Variants in RTKN2 observed in about 807,000 individuals in gnomAD.
The protein encoded by RTKN2 is rhotekin 2, also known as rhotekin-2.
In RTKN2, 69 loss-of-function variants were observed where a neutral mutation model predicts 71.5. The ratio of observed to expected loss-of-function variants is 0.96; its 90% confidence interval spans 0.79 to 1.18. The LOEUF (loss-of-function observed/expected upper bound fraction) is 1.18. Ranked by LOEUF, RTKN2 falls within the 50% of genes most tolerant of loss-of-function variation. The pLI is 0.00. For missense variants in RTKN2, 724 were observed against 719.7 expected (o/e 1.01, Z -0.07); for synonymous variants, 236 against 236.5 (o/e 1.00, Z 0.02).
chr10:62,210,441 A>G (rs1429156039), intron 9 of RTKN2, among the ~76,000 whole-genome samples: 1 of 152,168 alleles, frequency 6.6e-6, no homozygotes, highest in Non-Finnish European at 1.5e-5. Flanking sequence ...TCCAAAGAAA[A>G]TAATTAAAAA....
intron 8 of RTKN2, chr10:62,184,469 A>G: frequency 2.9e-6 from 2 of 687,462 alleles, no homozygotes; most frequent in Non-Finnish European, 4.8e-6. Context: ...AGAATCACAA[A>G]AGGCAGTCAG....
At chr10:62,190,769 A>T (rs1841209881), downstream of RTKN2, among the ~76,000 whole-genome samples, 1 of 152,118 alleles carries the variant, frequency 6.6e-6, no homozygotes, top group Non-Finnish European at 1.5e-5. Flanking sequence ...TCTAGTTCTG[A>T]TGCCAACTAT....
intron 6 of RTKN2, among the ~76,000 whole-genome samples, chr10:62,224,647 T>C (rs940698887): frequency 2.0e-5 from 3 of 152,072 alleles, no homozygotes; most frequent in Non-Finnish European, 2.9e-5. Context: ...GGAATGCAAC[T>C]TTTTCTATGA....
chr10:62,217,839 T>C (rs1434489550), intron 8 of RTKN2, among the ~76,000 whole-genome samples: 4 of 152,140 alleles, frequency 2.6e-5, no homozygotes, highest in Non-Finnish European at 5.9e-5. Flanking sequence ...CTCAGAGTCC[T>C]AAACCGTGCC....
chr10:62,194,914 A>AGTCAGG lies in RTKN2; in HGVS notation c.*2988_*2993dup, dbSNP rs1318229862. ...CATATATTCACATCCATTTAAAAGAAGTCAGGGGGCACTGCAGACAGTTAA... is the reference window on the plus strand; with the variant it reads ...CATATATTCACATCCATTTAAAAGAAGTCAGGGTCAGGGGGCACTGCAGACAGTTAA... On this transcript the variant is annotated 3_prime_UTR_variant, in exon 12 of 12. Transcript: ENST00000373789. The AGTCAGG allele has an allele frequency of 3.1e-5, 31 of 985,256 alleles. No homozygotes were observed. The highest frequency in any genetic ancestry group is 3.7e-5 in the Non-Finnish European group (31 of 829,882). The allele number at this position is 985,256 out of a possible 1,614,324, so 61.0% of individuals were successfully genotyped here.
rs757695144 is a variant in RTKN2, at chr10:62,218,266, T to C, written c.817A>G (p.Met273Val). ...GGCTGGGCAACTAGTCGGCAGCACATGTTGCCATACAGGGGAAGCCAAAAT... is the reference window on the plus strand; with the variant it reads ...GGCTGGGCAACTAGTCGGCAGCACACGTTGCCATACAGGGGAAGCCAAAAT... ...SSFWLPLYGNMCCRLVAQPAC... is the reference protein window; with the variant it reads ...SSFWLPLYGNVCCRLVAQPAC... The change falls in exon 8 of 12, where the codon ATG (methionine) becomes GTG (valine). Residue 273 changes from methionine to valine, a missense_variant. By Grantham distance (21) the Met-to-Val change is conservative. Coordinates refer to ENST00000373789, the MANE Select transcript of RTKN2 (RefSeq NM_145307.4). The C allele has an allele frequency of 1.9e-5, 31 of 1,613,260 alleles. No individual in the cohort carries two copies. The highest frequency in any genetic ancestry group is 1.6e-4 in the Middle Eastern group (1 of 6,068).
chr10:62,207,165 T>C (rs989561443), intron 9 of RTKN2, among the ~76,000 whole-genome samples: 1 of 152,100 alleles, frequency 6.6e-6, no homozygotes, highest in Non-Finnish European at 1.5e-5. Context: ...TTTTTATAGA[T>C]GAATTTGGAT....
chr10:62,236,330 T>C, intron 5 of RTKN2, 67 bp from the exon 6 acceptor site: 1 of 1,008,600 alleles, frequency 9.9e-7, no homozygotes. Context: ...TACCATTCTT[T>C]TATGTTTATG....
At chr10:62,241,247 T>A in intron 3 of RTKN2, 52 bp from the exon 4 acceptor site, 4 of 1,080,484 alleles carry the variant, frequency 3.7e-6, no homozygotes, top group Non-Finnish European at 5.6e-6. Context: ...TAAGTTTTAT[T>A]CTTTACAGTG....
At chr10:62,237,926 C>A (rs1008954624) in intron 5 of RTKN2, among the ~76,000 whole-genome samples, 2 of 151,590 alleles carry the variant, frequency 1.3e-5, no homozygotes, top group South Asian at 4.1e-4. Context: ...TTGGCTTTAC[C>A]CTTTTTCAGA....
Position 62,198,374 on chromosome 10 carries a change from C to T in RTKN2, c.1364G>A (p.Gly455Glu), listed in dbSNP as rs1423647640. The T allele has an allele frequency of 6.2e-7, 1 of 1,600,168 alleles. No homozygotes were observed. Among genetic ancestry groups the T allele is most frequent in the African/African-American group, 1.4e-5 (1 of 73,988 alleles). The part of the protein sequence containing the change: ...IIQKKIEETN[G>E]QFLIGQHEES... Reference sequence around the variant, plus strand: ...TTCATGCTGACCAATAAGGAACTGCCCATTTGTCTCTTCAATTTTTTTTTG... The same window carrying T: ...TTCATGCTGACCAATAAGGAACTGCTCATTTGTCTCTTCAATTTTTTTTTG... The change falls in exon 12 of 12, where the codon GGG becomes GAG. Residue 455 changes from glycine (G) to glutamate (E), a missense_variant. Physicochemically the swap from Gly to Glu is moderately conservative, Grantham distance 98 (BLOSUM62 -2). Transcript: ENST00000373789.
At chr10:62,267,775 G>C (rs1842892892) in intron 1 of RTKN2, among the ~76,000 whole-genome samples, 1 of 152,176 alleles carries the variant, frequency 6.6e-6, no homozygotes, top group Admixed American at 6.5e-5. Context: ...GTAGGTAAAA[G>C]AAGGTAGAGA....
chr10:62,199,413 A>C (rs1841394357), intron 11 of RTKN2, among the ~76,000 whole-genome samples: 1 of 152,222 alleles, frequency 6.6e-6, no homozygotes, highest in Non-Finnish European at 1.5e-5. Context: ...CAGAAAAAAA[A>C]TTACTGAACA....
chr10:62,196,553 A>G lies in RTKN2; in HGVS notation c.*1355T>C. On this transcript the variant is annotated 3_prime_UTR_variant, in exon 12 of 12. Coordinates refer to ENST00000373789, the MANE Select transcript of RTKN2 (RefSeq NM_145307.4). ...TTAAATTAATGTGGTTTTTTGGTCA[A>G]GTGTTCATTTTGTTTTGTAATAATG... is the stretch of plus-strand genomic sequence containing the variant. 1.0e-6 allele frequency: 1 copy of G among 985,376 alleles called. No homozygotes were observed. 61.0% of individuals were successfully genotyped at this position (985,376 alleles called of 1,614,324 possible). A position where few individuals can be genotyped will look rare whatever the true frequency, so the allele number is the denominator to read the frequency against.
At chr10:62,211,544 G>C (rs191272060) in intron 9 of RTKN2, among the ~76,000 whole-genome samples, 1 of 152,132 alleles carries the variant, frequency 6.6e-6, no homozygotes, top group African/African-American at 2.4e-5. Context: ...TTATTTTCAT[G>C]AGAAAAGAAG....
chr10:62,213,554 G>A (rs2132868201), intron 9 of RTKN2, among the ~76,000 whole-genome samples: 1 of 152,212 alleles, frequency 6.6e-6, no homozygotes, highest in South Asian at 2.1e-4. Flanking sequence ...TGAATATTAG[G>A]TGACATAAGA....
intron 9 of RTKN2, 81 bp downstream of exon 9, chr10:62,217,037 G>T: frequency 3.0e-6 from 3 of 1,014,930 alleles, no homozygotes; most frequent in Non-Finnish European, 2.7e-6. Flanking sequence ...TTATTTATAA[G>T]ACAACAACAA....
rs1841356469 is a variant in RTKN2, at chr10:62,197,679, T to C, written c.*229A>G. 5.2e-6 allele frequency: 7 copies of C among 1,337,674 alleles called. No homozygotes were observed. The highest frequency in any genetic ancestry group is 3.0e-5 in the African/African-American group (2 of 66,902). The allele number at this position is 1,337,674 out of a possible 1,614,324, so 82.9% of individuals were successfully genotyped here. On this transcript the variant is annotated 3_prime_UTR_variant, in exon 12 of 12. Transcript: ENST00000373789. ...CCCTTCCAACAATTAGGATATTGTC[T>C]AGAAACTGCCTCTTGCACACTGCTG...
At chr10:62,266,800 C>A (rs939458531) in intron 1 of RTKN2, among the ~76,000 whole-genome samples, 1 of 152,168 alleles carries the variant, frequency 6.6e-6, no homozygotes, top group Admixed American at 6.5e-5. Context: ...CAACAGCTGT[C>A]TGGGATAGGC....
Sources: allele counts gnomAD v4.1 joint callset (sites outside exome capture counted in the v4.1 genomes callset), GRCh38; gene constraint gnomAD v4.1.1; transcripts MANE v1.5; gene names NCBI Gene and HGNC (gene_info 2026-07-23, HGNC 2026-07-21).